MAP7: variants seen among roughly 807,000 people sequenced by gnomAD.
MAP7 encodes ensconsin.
In MAP7, 52 loss-of-function variants were observed where a neutral mutation model predicts 94.8. That is an observed-to-expected ratio of 0.55 (90% CI 0.44 to 0.69). MAP7 has a LOEUF of 0.69. MAP7 is among the 30% of genes least tolerant of loss of function. The probability of loss-of-function intolerance (pLI) is 0.00; values close to 1 mark genes in which losing one functional copy is unlikely to be tolerated. For synonymous variants in MAP7, 350 were observed against 357.0 expected (o/e 0.98, Z 0.22); for missense variants, 940 against 964.6 (o/e 0.97, Z 0.34).
rs561639367 is a variant in MAP7, at chr6:136,360,279, G to A, written c.1804-248C>T. On this transcript the variant is annotated intron_variant, in intron 13 of 17. Coordinates refer to ENST00000354570, the MANE Select transcript of MAP7 (RefSeq NM_003980.6). ...AGCTGCCTCAGTCTCCCAGGTAGCT[G>A]GGATTACAGGCGCCCGCCACCACGC... Among the ~76,000 whole-genome samples, 52 of 152,116 alleles carry A rather than the reference G, an allele frequency of 3.4e-4. No individual in the cohort carries two copies. In the South Asian group the frequency reaches 4.4e-3, roughly 13 times the overall value.
At position 136,360,042 on chromosome 6, in the gene MAP7, G is replaced by C; in HGVS notation, c.1804-11C>G. On this transcript the variant is annotated splice_polypyrimidine_tract_variant and intron_variant, in intron 13 of 17. Coordinates refer to ENST00000354570, the MANE Select transcript of MAP7 (RefSeq NM_003980.6). Reference sequence around the variant, plus strand: ...AATCTCCTCAAGTCGCTATAGGAAAGGAAGAATTGAGCAAGAAGATTAGAC... The same window carrying C: ...AATCTCCTCAAGTCGCTATAGGAAACGAAGAATTGAGCAAGAAGATTAGAC... The C allele has an allele frequency of 6.2e-7, 1 of 1,606,596 alleles. No individual in the cohort carries two copies. Among genetic ancestry groups the C allele is most frequent in the Non-Finnish European group, 8.5e-7 (1 of 1,177,042 alleles).
chr6:136,382,934 G>A (rs991520904), intron 6 of MAP7, among the ~76,000 whole-genome samples: 1 of 152,088 alleles, frequency 6.6e-6, no homozygotes, highest in Non-Finnish European at 1.5e-5. Flanking sequence ...AAAACAAGCA[G>A]CTTATCTTAA....
intron 1 of MAP7, among the ~76,000 whole-genome samples, chr6:136,494,410 G>A (rs950129671): frequency 6.6e-6 from 1 of 152,004 alleles, no homozygotes. Flanking sequence ...TTGTCCTTGG[G>A]GTAAGATATA....
chr6:136,366,491 C>T, intron 8 of MAP7, 52 bp from the exon 9 acceptor site: 1 of 1,212,262 alleles, frequency 8.2e-7, no homozygotes, highest in East Asian at 2.3e-5. Context: ...GAGGCAAACA[C>T]ACTCACAATA....
chr6:136,550,077 T>A lies in MAP7; in HGVS notation c.67+265A>T, dbSNP rs1240276706. ...TTTCCTCCCCCGGCTCGCCTCCACC[T>A]GTTGCGGGAAAGTCGCGGTGGAGCG... On this transcript the variant is annotated intron_variant, in intron 1 of 17. Coordinates refer to ENST00000354570, the MANE Select transcript of MAP7 (RefSeq NM_003980.6). This position sits in a 1 kb window ranked among gnomAD's most constrained non-coding sequence, Gnocchi z 5.1. Among the ~76,000 whole-genome samples the A allele has an allele frequency of 6.6e-6, 1 of 151,424 alleles. No homozygotes were observed.
Position 136,550,182 on chromosome 6 carries a change from T to G in MAP7, c.67+160A>C. The stretch of plus-strand genomic sequence containing the variant: ...CGGCGAAGGGCGGGGGAAGGCGCTC[T>G]CGGAGCAGGGTGCGCGGCGCGCAGG... On this transcript the variant is annotated intron_variant, in intron 1 of 17. Transcript: ENST00000354570. The surrounding 1 kb of genome is among the most constrained non-coding windows in gnomAD (Gnocchi z 5.1). Among the ~76,000 whole-genome samples the G allele has an allele frequency of 6.7e-6, 1 of 149,682 alleles. No individual in the cohort carries two copies. The highest frequency in any genetic ancestry group is 6.6e-5 in the Admixed American group (1 of 15,054).
intron 2 of MAP7, among the ~76,000 whole-genome samples, chr6:136,421,133 A>G (rs1791212451): frequency 6.6e-6 from 1 of 152,220 alleles, no homozygotes; most frequent in Admixed American, 6.5e-5. Context: ...GCTTCTTTGT[A>G]TCACTGAATG....
chr6:136,526,113 A>C (rs1827777390), intron 1 of MAP7: 1 of 1,353,682 alleles, frequency 7.4e-7, no homozygotes. Flanking sequence ...AACAGTTTGC[A>C]AACAGCTGAC....
chr6:136,362,074 A>AT lies in MAP7; in HGVS notation c.1526+375dup, dbSNP rs67051406. Among the ~76,000 whole-genome samples, 566 of 150,752 alleles carry AT rather than the reference A, an allele frequency of 3.8e-3. 4 individuals carry two copies. Among genetic ancestry groups the AT allele is most frequent in the African/African-American group, 0.012 (513 of 41,134 alleles). ...TTACTGAAAATTGGTATGATTATGG[A>AT]TTTTTTTTTTCTTTAAAGCTTTCTC... On this transcript the variant is annotated intron_variant, in intron 11 of 17. Transcript: ENST00000354570.
chr6:136,369,781 A>G (rs183641863), intron 8 of MAP7, among the ~76,000 whole-genome samples: 1 of 152,364 alleles, frequency 6.6e-6, no homozygotes. Flanking sequence ...AATGGATTAA[A>G]GACTTAAATG....
At chr6:136,389,687 T>C (rs1453632899) in intron 3 of MAP7, among the ~76,000 whole-genome samples, 170 bp from the exon 4 acceptor site, 2 of 152,194 alleles carry the variant, frequency 1.3e-5, no homozygotes, top group Admixed American at 1.3e-4. Context: ...AAGAAAAATG[T>C]ATTACTGTTA....
At chr6:136,431,431 G>A (rs536417440) in intron 1 of MAP7, among the ~76,000 whole-genome samples, 1 of 152,238 alleles carries the variant, frequency 6.6e-6, no homozygotes, top group East Asian at 1.9e-4. Context: ...AGTTTGCATA[G>A]GGAAGGGGCT....
At chr6:136,489,172 ATT>A (rs56375752) in intron 1 of MAP7, among the ~76,000 whole-genome samples, 51 of 150,148 alleles carry the variant, frequency 3.4e-4, no homozygotes, top group African/African-American at 1.2e-3. Flanking sequence ...GACTAGTTGT[ATT>A]TTTTTTTTAT....
At chr6:136,387,615 G>A (rs1340583134) in intron 5 of MAP7, among the ~76,000 whole-genome samples, 1 of 152,094 alleles carries the variant, frequency 6.6e-6, no homozygotes, top group African/African-American at 2.4e-5. Flanking sequence ...AGGGATGTCT[G>A]TACCAGCTTT....
In MAP7 at chr6:136,544,576, G is replaced by A. The variant is rs536106757; in HGVS notation, c.67+5766C>T. 1.1e-4 allele frequency among the ~76,000 whole-genome samples: 17 copies of A among 152,212 alleles called. No homozygotes were observed. In the East Asian group the frequency reaches 3.3e-3, roughly 29 times the overall value. ...CTTTGCTGGCTCTTCCTCCTCCCAT[G>A]CTTTACAGGTCGTCTCACCCCTTTG... is the stretch of plus-strand genomic sequence containing the variant. On this transcript the variant is annotated intron_variant, in intron 1 of 17. Coordinates refer to ENST00000354570, the MANE Select transcript of MAP7 (RefSeq NM_003980.6).
chr6:136,420,416 C>A, intron 2 of MAP7: 1 of 520,540 alleles, frequency 1.9e-6, no homozygotes, highest in Admixed American at 3.4e-5. Context: ...ACCAGGTCCA[C>A]TTCTGCCAAC....
At chr6:136,482,102 C>T (rs1813019396) in intron 1 of MAP7, among the ~76,000 whole-genome samples, 1 of 152,112 alleles carries the variant, frequency 6.6e-6, no homozygotes. Context: ...CAGAAAGGCT[C>T]TTATTAAAAC....
In MAP7 at chr6:136,365,635, G is replaced by C; in HGVS notation, c.1273+100C>G. The C allele has an allele frequency of 3.1e-6, 4 of 1,308,258 alleles. No homozygotes were observed. The South Asian group carries it at 6.0e-5, about 20-fold the overall frequency. 81.0% of individuals were successfully genotyped at this position (1,308,258 alleles called of 1,614,324 possible). On this transcript the variant is annotated intron_variant, in intron 10 of 17. Coordinates refer to ENST00000354570, the MANE Select transcript of MAP7 (RefSeq NM_003980.6). ...CTTAACCTTAGAGTAAAATTTCCAAGTCTCCAATAAAAGAAGAAAAGGAAA... is the reference window on the plus strand; with the variant it reads ...CTTAACCTTAGAGTAAAATTTCCAACTCTCCAATAAAAGAAGAAAAGGAAA...
At chr6:136,539,865 G>A (rs186852471) in intron 1 of MAP7, among the ~76,000 whole-genome samples, 1 of 152,322 alleles carries the variant, frequency 6.6e-6, no homozygotes, top group East Asian at 1.9e-4. Context: ...CGTAGTCTCA[G>A]GTACTCGGTA....
Sources: gnomAD v4.1 joint callset for allele counts (sites outside exome capture counted in the v4.1 genomes callset) on GRCh38, gnomAD v4.1.1 for gene constraint, Gnocchi (gnomAD v3.1) non-coding constraint, MANE v1.5 for transcripts, NCBI Gene and HGNC (gene_info 2026-07-23, HGNC 2026-07-21) for gene names.